The following CCDC180 variants were observed in gnomAD, a reference collection of about 807,000 sequenced individuals.
CCDC180 encodes coiled-coil domain containing 180.
A neutral mutation model predicts 209.2 loss-of-function variants in CCDC180; 154 were observed. The ratio of observed to expected loss-of-function variants is 0.74; its 90% CI spans 0.65 to 0.84. CCDC180 has a LOEUF of 0.84. Ranked by LOEUF, CCDC180 falls within the 40% of genes least tolerant of loss-of-function variation. The pLI, the probability that CCDC180 is intolerant of heterozygous loss-of-function variation, is 0.00. For missense variants in CCDC180, 1,874 were observed against 1,997.3 expected (o/e 0.94, Z 1.18); for synonymous variants, 778 against 749.1 (o/e 1.04, Z -0.63).
chr9:97,335,961 C>T (rs555372950), intron 18 of CCDC180, among the ~76,000 whole-genome samples: 29 of 152,326 alleles, frequency 1.9e-4, no homozygotes, highest in African/African-American at 4.8e-4. Context: ...TGTCTGTTGG[C>T]GGCATAAATG....
In CCDC180 at chr9:97,320,188, C is replaced by T; in HGVS notation, c.1142C>T (p.Ser381Phe). The T allele has an allele frequency of 6.2e-7, 1 of 1,614,126 alleles. No homozygotes were observed. The highest frequency in any genetic ancestry group is 8.5e-7 in the Non-Finnish European group (1 of 1,179,988). ...ACTGAGTGGCATTCTTCCCTCAACT[C>T]CCTGAACAAGGAGCTAGGTGAGTGA... ...QLTEWHSSLN[S>F]LNKELDTYHV... The change falls in exon 11 of 37, where the codon TCC (serine) becomes TTC (phenylalanine). Residue 381 changes from serine (S) to phenylalanine (F), a missense_variant. Transcript: ENST00000529487.
At chr9:97,331,657 G>A (rs1269506371) in intron 18 of CCDC180, among the ~76,000 whole-genome samples, 1 of 152,202 alleles carries the variant, frequency 6.6e-6, no homozygotes, top group East Asian at 1.9e-4. Context: ...GATTAGTGAT[G>A]TTGAGCACCT....
Position 97,341,784 on chromosome 9 carries a change from G to A in CCDC180, c.2275-1556G>A, listed in dbSNP as rs142746624. Among the ~76,000 whole-genome samples, 1,149 of 152,320 alleles carry A rather than the reference G, an allele frequency of 7.5e-3. 25 individuals carry two copies. The highest frequency in any genetic ancestry group is 0.026 in the African/African-American group (1,094 of 41,572). On this transcript the variant is annotated intron_variant, in intron 18 of 36. Transcript: ENST00000529487. ...TTTGTTCAGCTATGCCCTGCCCCCA[G>A]AGGTGGAGTCTACAGAGGCAGGTGG...
chr9:97,366,556 C>A lies in CCDC180; in HGVS notation c.4048-3C>A, dbSNP rs1362965540. The A allele has an allele frequency of 7.4e-6, 12 of 1,613,586 alleles. No individual in the cohort carries two copies. Among genetic ancestry groups the A allele is most frequent in the Non-Finnish European group, 1.0e-5 (12 of 1,179,792 alleles). On this transcript the variant is annotated splice_polypyrimidine_tract_variant and splice_region_variant and intron_variant, in intron 30 of 36. Coordinates refer to ENST00000529487, the MANE Select transcript of CCDC180 (RefSeq NM_020893.6). The surrounding 1 kb of genome is among the most constrained non-coding windows in gnomAD (Gnocchi z 4.3). ...ACCCGCACATGGTCACCCTCTCTGG[C>A]AGGAGTTCTACCGTAAAGAAAAACG...
At chr9:97,348,755 T>C (rs574690790) in intron 20 of CCDC180, among the ~76,000 whole-genome samples, 3 of 152,294 alleles carry the variant, frequency 2.0e-5, no homozygotes, top group African/African-American at 4.8e-5. Context: ...GACTGCTCAG[T>C]GCTGTACTTG....
intron 18 of CCDC180, among the ~76,000 whole-genome samples, chr9:97,337,290 G>T (rs1200229050): frequency 6.6e-6 from 1 of 152,188 alleles, no homozygotes; most frequent in Non-Finnish European, 1.5e-5. Flanking sequence ...GTATGATACT[G>T]GCTGTGGGTT....
chr9:97,354,121 C>T (rs1826498985), intron 22 of CCDC180, among the ~76,000 whole-genome samples: 1 of 151,826 alleles, frequency 6.6e-6, no homozygotes, highest in South Asian at 2.1e-4. Context: ...TCTCAGCCTC[C>T]CAAGTAGTTG....
At chr9:97,361,169 A>G (rs1033970514) in intron 26 of CCDC180, among the ~76,000 whole-genome samples, 3 of 152,200 alleles carry the variant, frequency 2.0e-5, no homozygotes, top group Non-Finnish European at 4.4e-5. Context: ...AGAACAGCCT[A>G]GGTGCTCACC....
chr9:97,332,673 T>C (rs1398070833), intron 18 of CCDC180, among the ~76,000 whole-genome samples: 1 of 152,160 alleles, frequency 6.6e-6, no homozygotes, highest in Non-Finnish European at 1.5e-5. Flanking sequence ...GGCTCTCGGC[T>C]TAGATGTTGT....
Position 97,362,437 on chromosome 9 carries a change from G to T in CCDC180, c.3898G>T (p.Gly1300Cys), listed in dbSNP as rs1416333670. The T allele has an allele frequency of 6.2e-7, 1 of 1,613,418 alleles. No individual in the cohort carries two copies. Among genetic ancestry groups the T allele is most frequent in the Admixed American group, 1.7e-5 (1 of 60,002 alleles). Residue 1300 changes from glycine to cysteine, a missense_variant, in exon 28 of 37, where the codon GGC (glycine) becomes TGC (cysteine). Coordinates refer to ENST00000529487, the MANE Select transcript of CCDC180 (RefSeq NM_020893.6). ...AVPSASATSA[G>C]SFTPHPKPNK... ...ACCCAGTGCCAGTGCTACCTCTGCA[G>T]GCAGGTAGGACACAAAGCAGCCAGA...
intron 36 of CCDC180, chr9:97,375,996 C>T (rs1827249178): frequency 5.0e-6 from 1 of 198,310 alleles, no homozygotes; most frequent in African/African-American, 2.3e-5. Flanking sequence ...CTGAGAGCTT[C>T]TGCTCTTGAC....
Position 97,336,661 on chromosome 9 carries a change from C to T in CCDC180, c.2274+5894C>T, listed in dbSNP as rs1425473802. ...GGCAATGCAGGCTCTTTTTTGGCTC[C>T]ATATAGACTTTAAAGTAGTTTTTTC... On this transcript the variant is annotated intron_variant, in intron 18 of 36. Coordinates refer to ENST00000529487, the MANE Select transcript of CCDC180 (RefSeq NM_020893.6). Among the ~76,000 whole-genome samples the T allele has an allele frequency of 2.0e-5, 3 of 151,932 alleles. No homozygotes were observed. In the East Asian group the frequency reaches 5.8e-4, roughly 29 times the overall value.
chr9:97,370,448 C>A (rs1827048891), intron 32 of CCDC180, among the ~76,000 whole-genome samples, 193 bp from the exon 33 acceptor site: 1 of 152,094 alleles, frequency 6.6e-6, no homozygotes, highest in South Asian at 2.1e-4. Flanking sequence ...AGCCTTTTCT[C>A]TTCCAAACCC....
chr9:97,317,997 A>G (rs188364042), intron 9 of CCDC180, among the ~76,000 whole-genome samples: 17 of 152,342 alleles, frequency 1.1e-4, no homozygotes, highest in African/African-American at 4.1e-4. Context: ...GGCATTTCCC[A>G]TGAGCCAAGC....
chr9:97,352,949 A>ACATG (rs1482067290), intron 22 of CCDC180, among the ~76,000 whole-genome samples: 3 of 139,012 alleles, frequency 2.2e-5, no homozygotes, highest in Non-Finnish European at 4.6e-5. Context: ...ACGTATGTAT[A>ACATG]TATATATATA....
intron 25 of CCDC180, among the ~76,000 whole-genome samples, chr9:97,358,243 C>T (rs1471851481): frequency 1.3e-5 from 2 of 150,652 alleles, no homozygotes; most frequent in Non-Finnish European, 2.9e-5. Flanking sequence ...GCCTCAGCAT[C>T]CCAAGTAGCT....
chr9:97,322,951 A>AG (rs1833406360), intron 12 of CCDC180, 30 bp downstream of exon 12: 1 of 1,595,094 alleles, frequency 6.3e-7, no homozygotes, highest in African/African-American at 1.3e-5. Flanking sequence ...GCCTGAGAAG[A>AG]GGAATCCTGG....
chr9:97,307,793 A>G lies in CCDC180; in HGVS notation c.-95A>G. 2 of 1,614,194 alleles carry G rather than the reference A, an allele frequency of 1.2e-6. No homozygotes were observed. The highest frequency in any genetic ancestry group is 1.7e-6 in the Non-Finnish European group (2 of 1,180,024). ...GAGAACCGGCCTCCTGCTCGAGTTC[A>G]GAGCTCATCTGAGGTTAGTTTCATC... is the stretch of plus-strand genomic sequence containing the variant. On this transcript the variant is annotated 5_prime_UTR_variant, in exon 1 of 37. Coordinates refer to ENST00000529487, the MANE Select transcript of CCDC180 (RefSeq NM_020893.6).
rs199966530 is a variant in CCDC180 at position 97,349,197 on chromosome 9, C to T, written c.2761C>T (p.Gln921Ter). ...TLKKKRLMFC[Q>*]FQEEQNVRSK... is the part of the protein sequence containing the mutation. The stretch of plus-strand genomic sequence containing the variant: ...GAAGAAGAAGCGGCTGATGTTCTGC[C>T]AGTTCCAAGAAGAGCAAAACGTGAG... Residue 921 changes from glutamine (Q) to a stop codon, truncating the protein, a stop_gained, in exon 21 of 37, where the codon CAG becomes TAG. Transcript: ENST00000529487. LOFTEE classifies it high-confidence loss of function. The T allele has an allele frequency of 3.9e-6, 6 of 1,536,374 alleles. No individual in the cohort carries two copies. Among genetic ancestry groups the T allele is most frequent in the Non-Finnish European group, 5.2e-6 (6 of 1,146,996 alleles).
Sources: gnomAD v4.1 joint callset for allele counts (sites outside exome capture counted in the v4.1 genomes callset) on GRCh38, gnomAD v4.1.1 for gene constraint, Gnocchi (gnomAD v3.1) non-coding constraint, MANE v1.5 for transcripts, NCBI Gene and HGNC (gene_info 2026-07-23, HGNC 2026-07-21) for gene names.